FRMPD4: variants seen among roughly 807,000 people sequenced by gnomAD.
The protein encoded by FRMPD4 is FERM and PDZ domain containing 4, also known as FERM and PDZ domain-containing protein 4.
FRMPD4 carries 22 observed loss-of-function variants against 94.1 expected under a neutral mutation model. That is an observed-to-expected ratio of 0.23 (90% confidence interval 0.17 to 0.33). The LOEUF (loss-of-function observed/expected upper bound fraction) is 0.33, where lower values mean the gene tolerates loss of function less well. FRMPD4 is among the 10% of genes least tolerant of loss of function. FRMPD4 has a pLI of 1.00. For missense variants in FRMPD4, 1,111 were observed against 1,339.9 expected (o/e 0.83, Z 2.67); for synonymous variants, 631 against 548.6 (o/e 1.15, Z -2.10).
At chrX:12,472,487 T>C (rs1003265611) in intron 1 of FRMPD4, among the ~76,000 whole-genome samples, 1 of 111,993 alleles carries the variant, frequency 8.9e-6, no homozygotes, top group Admixed American at 9.5e-5. Context: ...GAGATACGCA[T>C]AGGCTCATCC....
chrX:12,656,125 A>G (rs773738920), intron 4 of FRMPD4, among the ~76,000 whole-genome samples: 3 of 112,471 alleles, frequency 2.7e-5, no homozygotes, highest in East Asian at 5.6e-4. Context: ...AGATGACAGC[A>G]TGTATTGATG....
intron 1 of FRMPD4, among the ~76,000 whole-genome samples, chrX:12,140,125 A>T (rs2055669069): frequency 8.9e-6 from 1 of 111,875 alleles, no homozygotes; most frequent in African/African-American, 3.3e-5. Context: ...TTCTGTTTGG[A>T]TGTTGCCATT....
intron 1 of FRMPD4, among the ~76,000 whole-genome samples, chrX:12,416,541 T>C (rs1225823859): frequency 1.8e-5 from 2 of 112,660 alleles, no homozygotes; most frequent in Non-Finnish European, 3.8e-5. Context: ...ATGTAAGATC[T>C]TTTCCTCTTA....
intron 3 of FRMPD4, among the ~76,000 whole-genome samples, chrX:12,058,389 G>A (rs779319884): frequency 9.0e-6 from 1 of 111,425 alleles, no homozygotes; most frequent in South Asian, 3.8e-4. Context: ...GGGGGAATGA[G>A]GGGATGTTAG....
chrX:12,127,767 G>A (rs1477933863), intron 3 of FRMPD4, among the ~76,000 whole-genome samples: 1 of 112,344 alleles, frequency 8.9e-6, no homozygotes. Flanking sequence ...TAAAAAACAA[G>A]TTAATTATTT....
intron 2 of FRMPD4, among the ~76,000 whole-genome samples, chrX:12,539,231 T>C (rs1186173643): frequency 9.0e-6 from 1 of 111,344 alleles, no homozygotes; most frequent in Non-Finnish European, 1.9e-5. Context: ...AAGAGAAGTT[T>C]AGAGAAAAAA....
chrX:12,351,668 A>C (rs970750185), intron 1 of FRMPD4, among the ~76,000 whole-genome samples: 1 of 112,504 alleles, frequency 8.9e-6, no homozygotes, highest in African/African-American at 3.2e-5. Context: ...TGGCACCACT[A>C]TCCAGCCAGG....
At chrX:12,025,210 A>AT (rs368653830) in intron 3 of FRMPD4, among the ~76,000 whole-genome samples, 1,313 of 99,235 alleles carry the variant, frequency 0.013, 5 homozygotes, top group South Asian at 0.02. Flanking sequence ...CTCTCTTTCC[A>AT]TTTTTTTTTT....
intron 4 of FRMPD4, among the ~76,000 whole-genome samples, chrX:12,651,791 G>A (rs1315693021): frequency 8.9e-6 from 1 of 112,053 alleles, no homozygotes; most frequent in African/African-American, 3.2e-5. Context: ...CAAACTAAAA[G>A]GGAAATGGAA....
intron 1 of FRMPD4, among the ~76,000 whole-genome samples, chrX:12,276,896 C>T (rs1165186037): frequency 9.1e-6 from 1 of 110,318 alleles, no homozygotes; most frequent in African/African-American, 3.3e-5. Flanking sequence ...CCGAGGCGGG[C>T]GGATCACGAG....
intron 1 of FRMPD4, among the ~76,000 whole-genome samples, chrX:12,266,566 C>A (rs994897164): frequency 8.9e-6 from 1 of 111,788 alleles, no homozygotes; most frequent in Non-Finnish European, 1.9e-5. Flanking sequence ...AGTAACTGAA[C>A]CAAGTTCAGA....
At chrX:12,240,710 G>A (rs904962587) in intron 1 of FRMPD4, among the ~76,000 whole-genome samples, 1 of 112,161 alleles carries the variant, frequency 8.9e-6, no homozygotes, top group African/African-American at 3.2e-5. Flanking sequence ...TAAAACAGCA[G>A]GGGTGTCCAA....
chrX:12,136,787 G>A (rs1281805159), upstream of FRMPD4, among the ~76,000 whole-genome samples: 1 of 109,696 alleles, frequency 9.1e-6, no homozygotes, highest in African/African-American at 3.3e-5. Context: ...ACGGGATCTA[G>A]GGTCCTGTTG....
chrX:12,268,090 C>T (rs2054301206), intron 1 of FRMPD4, among the ~76,000 whole-genome samples: 1 of 112,408 alleles, frequency 8.9e-6, no homozygotes, highest in African/African-American at 3.2e-5. Context: ...ATAGATCCAC[C>T]CTCCTCTACA....
chrX:12,715,441 A>C (rs1328755138), intron 14 of FRMPD4, among the ~76,000 whole-genome samples: 1 of 112,119 alleles, frequency 8.9e-6, no homozygotes, highest in Non-Finnish European at 1.9e-5. Context: ...ACACATGGGC[A>C]TGCATGCTGA....
chrX:12,088,757 A>G (rs1018560083), intron 3 of FRMPD4, among the ~76,000 whole-genome samples: 1 of 112,310 alleles, frequency 8.9e-6, no homozygotes, highest in Non-Finnish European at 1.9e-5. Flanking sequence ...AATAAGGGAG[A>G]ATGTTGCTAA....
intron 3 of FRMPD4, among the ~76,000 whole-genome samples, chrX:11,971,682 A>G (rs891058596): frequency 1.8e-5 from 2 of 112,202 alleles, no homozygotes; most frequent in African/African-American, 3.2e-5. Flanking sequence ...TGCATTTGTT[A>G]CCAGGATTGG....
chrX:12,244,950 C>T (rs955995137), intron 1 of FRMPD4, among the ~76,000 whole-genome samples: 4 of 112,493 alleles, frequency 3.6e-5, no homozygotes, highest in Admixed American at 9.4e-5. Flanking sequence ...TCTGCCACAC[C>T]GTGGTGGCAC....
intron 3 of FRMPD4, among the ~76,000 whole-genome samples, chrX:12,105,913 T>C (rs1005016535): frequency 8.9e-6 from 1 of 112,232 alleles, no homozygotes; most frequent in Non-Finnish European, 1.9e-5. Context: ...TCACCTGAAC[T>C]GTTAGAAGAT....
Sources: allele counts gnomAD v4.1 joint callset (sites outside exome capture counted in the v4.1 genomes callset), GRCh38; gene constraint gnomAD v4.1.1; transcripts MANE v1.5; gene names NCBI Gene and HGNC (gene_info 2026-07-23, HGNC 2026-07-21).